The following CHN2 variants were observed in gnomAD, a reference collection of about 807,000 sequenced individuals.
CHN2 encodes the protein beta-chimaerin.
In CHN2, 35 loss-of-function variants were observed where a neutral mutation model predicts 56.3. The observed-to-expected ratio is 0.62, with a 90% CI of 0.47 to 0.82. The LOEUF is 0.82. Among genes scored for constraint, CHN2 ranks in the 40% least tolerant of loss-of-function variants. The pLI is 0.00. For synonymous variants in CHN2, 210 were observed against 212.8 expected (o/e 0.99, Z 0.12); for missense variants, 491 against 580.5 (o/e 0.85, Z 1.58).
intron 11 of CHN2, among the ~76,000 whole-genome samples, chr7:29,508,981 C>T (rs1790951538): frequency 6.6e-6 from 1 of 152,090 alleles, no homozygotes; most frequent in African/African-American, 2.4e-5. Flanking sequence ...ATCTAGTGTT[C>T]AGAAGAAGGC....
intron 1 of CHN2, among the ~76,000 whole-genome samples, chr7:29,197,454 G>A (rs1192978333): frequency 2.0e-5 from 3 of 152,198 alleles, no homozygotes; most frequent in African/African-American, 7.2e-5. Flanking sequence ...CTACTTGGTA[G>A]AGTGTCTTGG....
intron 1 of CHN2, among the ~76,000 whole-genome samples, chr7:29,234,523 G>A (rs1184254812): frequency 6.6e-6 from 1 of 152,208 alleles, no homozygotes; most frequent in Non-Finnish European, 1.5e-5. Flanking sequence ...GGCTCAGTCA[G>A]TGGTGAGGTT....
At chr7:29,426,314 T>C (rs1017231461) in intron 6 of CHN2, among the ~76,000 whole-genome samples, 18 of 73,290 alleles carry the variant, frequency 2.5e-4, no homozygotes, top group Admixed American at 1.9e-3. Context: ...TCTTACCTTT[T>C]ATATGGTTAA....
chr7:29,270,783 A>G (rs1790574359), intron 1 of CHN2, among the ~76,000 whole-genome samples: 1 of 152,164 alleles, frequency 6.6e-6, no homozygotes, highest in Non-Finnish European at 1.5e-5. Flanking sequence ...TTAAGAAGAG[A>G]GAGATAAGGC....
intron 6 of CHN2, among the ~76,000 whole-genome samples, chr7:29,440,909 TTTG>T (rs957768168): frequency 8.5e-5 from 13 of 152,158 alleles, no homozygotes; most frequent in African/African-American, 3.1e-4. Flanking sequence ...GAACTTATTT[TTTG>T]TTTTTTATTA....
At chr7:29,252,584 T>TTTTTTTGTTTTGTTTTG (rs1554378157) in intron 1 of CHN2, among the ~76,000 whole-genome samples, 238 of 22,408 alleles carry the variant, frequency 0.011, 46 homozygotes, top group African/African-American at 0.069. Flanking sequence ...CTTTGTTTTT[T>TTTTTTTGTTTTGTTTTG]TTTTTTTTTT....
At chr7:29,330,766 C>T (rs951427001) in intron 1 of CHN2, among the ~76,000 whole-genome samples, 6 of 152,060 alleles carry the variant, frequency 3.9e-5, no homozygotes, top group Admixed American at 1.3e-4. Flanking sequence ...AAGGGGAGAG[C>T]GTTGGTGGTG....
chr7:29,509,546 T>G (rs1791027850), intron 12 of CHN2, 140 bp downstream of exon 12: 1 of 627,130 alleles, frequency 1.6e-6, no homozygotes. Flanking sequence ...TTTCAGTGTA[T>G]CATCCCTATG....
At chr7:29,399,786 A>T (rs1048713880) in intron 5 of CHN2, among the ~76,000 whole-genome samples, 2 of 152,190 alleles carry the variant, frequency 1.3e-5, no homozygotes, top group African/African-American at 4.8e-5. Flanking sequence ...AATTATGAGG[A>T]CGAACTTAAA....
chr7:29,264,820 GA>G (rs11356105), intron 1 of CHN2, among the ~76,000 whole-genome samples: 68,210 of 124,140 alleles, frequency 0.55, 16,905 homozygotes, highest in East Asian at 0.76. Context: ...ACTAAAAGGG[GA>G]AAAAAAAAAA....
At chr7:29,158,527 T>C (rs1562799728) in intron 2 of CHN2, among the ~76,000 whole-genome samples, 1 of 36,718 alleles carries the variant, frequency 2.7e-5, no homozygotes, top group Non-Finnish European at 6.2e-5. Context: ...CTAGTCTTTA[T>C]GTGATAATAT....
intron 6 of CHN2, among the ~76,000 whole-genome samples, chr7:29,445,926 C>A (rs1254886704): frequency 6.6e-6 from 1 of 152,100 alleles, no homozygotes; most frequent in African/African-American, 2.4e-5. Flanking sequence ...CCCCGAGATT[C>A]TTGCCTTACT....
intron 2 of CHN2, among the ~76,000 whole-genome samples, chr7:29,357,562 G>T (rs979988741): frequency 1.3e-5 from 2 of 152,226 alleles, no homozygotes; most frequent in Admixed American, 6.5e-5. Context: ...TGAATAAAAT[G>T]TGGCTTATAC....
intron 1 of CHN2, among the ~76,000 whole-genome samples, chr7:29,260,233 T>C (rs991048235): frequency 2.6e-5 from 4 of 152,168 alleles, no homozygotes; most frequent in African/African-American, 9.7e-5. Context: ...CATCTTGGCC[T>C]CCCAAAGTGC....
At chr7:29,147,954 C>T (rs564802155) in intron 2 of CHN2, among the ~76,000 whole-genome samples, 6 of 152,156 alleles carry the variant, frequency 3.9e-5, no homozygotes, top group Non-Finnish European at 7.4e-5. Context: ...GAGGCGATTT[C>T]CAGTTCCTGG....
intron 1 of CHN2, among the ~76,000 whole-genome samples, chr7:29,287,953 A>G (rs571304180): frequency 3.3e-5 from 5 of 152,340 alleles, no homozygotes; most frequent in South Asian, 4.1e-4. Context: ...TGCATGTCAC[A>G]ATTATTTAAG....
chr7:29,507,571 G>C (rs1032259207), intron 11 of CHN2, among the ~76,000 whole-genome samples: 2 of 152,172 alleles, frequency 1.3e-5, no homozygotes, highest in Non-Finnish European at 2.9e-5. Context: ...TGATGTATGT[G>C]TCAGGCAGTT....
chr7:29,284,146 A>G (rs1791958581), intron 1 of CHN2, among the ~76,000 whole-genome samples: 1 of 151,692 alleles, frequency 6.6e-6, no homozygotes, highest in African/African-American at 2.4e-5. Flanking sequence ...CCCAGGCTGA[A>G]GTGCAGTGGT....
intron 3 of CHN2, among the ~76,000 whole-genome samples, chr7:29,371,251 G>A (rs7796525): frequency 0.24 from 36,871 of 152,010 alleles, 5,082 homozygotes; most frequent in Non-Finnish European, 0.32. Flanking sequence ...GCCCAGGTCC[G>A]GAATTAAGCA....
Sources: gnomAD v4.1 joint callset for allele counts (sites outside exome capture counted in the v4.1 genomes callset) on GRCh38, gnomAD v4.1.1 for gene constraint, MANE v1.5 for transcripts, NCBI Gene and HGNC (gene_info 2026-07-23, HGNC 2026-07-21) for gene names.